SPATA24: variants seen among roughly 807,000 people sequenced by gnomAD.
SPATA24 encodes the protein spermatogenesis-associated protein 24.
SPATA24 carries 21 observed loss-of-function variants against 28.9 expected under a neutral mutation model. The ratio of observed to expected loss-of-function variants is 0.73; its 90% CI spans 0.52 to 1.05. The LOEUF is 1.05. Ranked by LOEUF, SPATA24 falls within the 50% of genes least tolerant of loss-of-function variation. SPATA24 has a pLI of 0.00. For synonymous variants in SPATA24, 76 were observed against 89.9 expected (o/e 0.85, Z 0.88); for missense variants, 215 against 242.9 (o/e 0.88, Z 0.76).
chr5:139,400,251 G>A (rs1484507317), intron 4 of SPATA24, among the ~76,000 whole-genome samples: 1 of 151,860 alleles, frequency 6.6e-6, no homozygotes, highest in Non-Finnish European at 1.5e-5. Context: ...TGGCCTACTG[G>A]AGATCTGCTG....
At chr5:139,392,528 G>C, downstream of SPATA24, 1 of 1,344,620 alleles carries the variant, frequency 7.4e-7, no homozygotes, top group Non-Finnish European at 9.5e-7. This position sits in a 1 kb window ranked among gnomAD's most constrained non-coding sequence, Gnocchi z 5.8. Context: ...GAGGCAGCGC[G>C]GGGCTGGGCT....
In SPATA24 at chr5:139,401,777, G is replaced by T. The variant is rs369759443; in HGVS notation, c.363C>A (p.Asp121Glu). The change falls in exon 4 of 6, where the codon GAC becomes GAA. Residue 121 changes from aspartate (D) to glutamate (E), a missense_variant. Transcript: ENST00000450845. ...TACCATTGCACTTGGTGATGAGCTG[G>T]TCCTTCTTGCTGGACTCCTGAAGGA... ...SKVLQESSKK[D>E]QLITKCNEIE... is the part of the protein sequence containing the mutation. 6.4e-7 allele frequency: 1 copy of T among 1,551,668 alleles called. No individual in the cohort carries two copies. The highest frequency in any genetic ancestry group is 2.4e-5 in the East Asian group (1 of 40,918).
downstream of SPATA24, chr5:139,394,930 T>A (rs759829680): frequency 2.0e-6 from 3 of 1,519,774 alleles, no homozygotes; most frequent in Non-Finnish European, 2.6e-6. Flanking sequence ...CGCTGGGCCT[T>A]TCGCGTCCGG....
intron 4 of SPATA24, among the ~76,000 whole-genome samples, chr5:139,398,577 TAATAAATA>T (rs567373104): frequency 6.6e-6 from 1 of 150,914 alleles, no homozygotes; most frequent in Admixed American, 6.6e-5. Flanking sequence ...TGTCTCTAAA[TAATAAATA>T]AATAAATAAA....
chr5:139,394,657 C>T, downstream of SPATA24: 1 of 1,535,084 alleles, frequency 6.5e-7, no homozygotes, highest in Non-Finnish European at 8.7e-7. Context: ...CGGCAAGGGG[C>T]TGATGAAGGC....
Position 139,396,776 on chromosome 5 carries a change from G to A in SPATA24, c.*24C>T, listed in dbSNP as rs1039223409. 6.4e-7 allele frequency: 1 copy of A among 1,551,692 alleles called. No individual in the cohort carries two copies. The highest frequency in any genetic ancestry group is 8.7e-7 in the Non-Finnish European group (1 of 1,146,978). The stretch of plus-strand genomic sequence containing the variant: ...AGGCAGAGGCTGGGGATTACAGCCA[G>A]AGAACAGGAAAGCGGCGGCCATTTT... On this transcript the variant is annotated 3_prime_UTR_variant, in exon 6 of 6. Coordinates refer to ENST00000450845, the MANE Select transcript of SPATA24 (RefSeq NM_194296.2).
intron 4 of SPATA24, among the ~76,000 whole-genome samples, chr5:139,400,389 C>T (rs1168455301): frequency 2.0e-5 from 3 of 151,102 alleles, no homozygotes; most frequent in Non-Finnish European, 4.4e-5. Context: ...TCACTGCAAC[C>T]TCTGCCTCCT....
downstream of SPATA24, chr5:139,395,026 G>A: frequency 4.2e-6 from 6 of 1,440,948 alleles, no homozygotes; most frequent in East Asian, 1.2e-4. Flanking sequence ...CGCGGGGGCC[G>A]TGGGCAGCTG....
downstream of SPATA24, chr5:139,394,141 G>A: frequency 2.6e-6 from 4 of 1,546,118 alleles, no homozygotes; most frequent in Non-Finnish European, 3.5e-6. Flanking sequence ...GCTGGGCCAC[G>A]GCCTCGGGGC....
intron 1 of SPATA24, 95 bp from the exon 2 acceptor site, chr5:139,402,788 C>T (rs1371691380): frequency 4.5e-6 from 4 of 896,280 alleles, no homozygotes; most frequent in Non-Finnish European, 7.2e-6. Context: ...GGATGATGCT[C>T]GTGGTACCTA....
downstream of SPATA24, chr5:139,395,145 T>TC: frequency 7.4e-7 from 1 of 1,348,910 alleles, no homozygotes; most frequent in African/African-American, 1.6e-5. Flanking sequence ...GCCGGCACTG[T>TC]CCCCGCCCCG....
intron 2 of SPATA24, among the ~76,000 whole-genome samples, 154 bp from the exon 3 acceptor site, chr5:139,402,199 C>T (rs1159887317): frequency 9.9e-5 from 15 of 151,496 alleles, no homozygotes; most frequent in African/African-American, 2.7e-4. Flanking sequence ...TCTCAGAGGC[C>T]GACCTTTCTT....
downstream of SPATA24, chr5:139,393,916 C>T (rs1050475875): frequency 1.3e-6 from 2 of 1,551,018 alleles, no homozygotes; most frequent in African/African-American, 1.4e-5. Context: ...GCTCCTTGGC[C>T]TCACAGCCCT....
chr5:139,397,561 T>C (rs1758738940), intron 4 of SPATA24, among the ~76,000 whole-genome samples: 1 of 152,014 alleles, frequency 6.6e-6, no homozygotes, highest in African/African-American at 2.4e-5. Flanking sequence ...CTCTTTTTTT[T>C]TTTTTTGTAT....
At chr5:139,393,927 A>C, downstream of SPATA24, 1 of 1,550,934 alleles carries the variant, frequency 6.4e-7, no homozygotes. Flanking sequence ...TCACAGCCCT[A>C]CTCGGAACCT....
downstream of SPATA24, chr5:139,392,867 G>A: frequency 1.9e-5 from 30 of 1,544,086 alleles, no homozygotes; most frequent in Non-Finnish European, 2.6e-5. This position sits in a 1 kb window ranked among gnomAD's most constrained non-coding sequence, Gnocchi z 5.8. Context: ...CCCAAGGCCA[G>A]GGCCCCAGGC....
downstream of SPATA24, chr5:139,392,672 G>A (rs1442513180): frequency 7.1e-7 from 1 of 1,400,928 alleles, no homozygotes; most frequent in South Asian, 1.6e-5. The surrounding 1 kb of genome is among the most constrained non-coding windows in gnomAD (Gnocchi z 5.8). Context: ...TGCATCTGAG[G>A]GGAGCCGGGG....
downstream of SPATA24, chr5:139,393,875 C>A (rs1042444814): frequency 3.2e-6 from 5 of 1,551,090 alleles, no homozygotes; most frequent in African/African-American, 5.5e-5. Flanking sequence ...CCCCGTACAG[C>A]CCCATTTGGA....
intron 4 of SPATA24, chr5:139,401,441 G>A (rs574468861): frequency 1.2e-5 from 7 of 607,538 alleles, no homozygotes; most frequent in Non-Finnish European, 2.1e-5. Context: ...TGTTCCTCTT[G>A]TATCAGTTAG....
Sources: gnomAD v4.1 joint callset for allele counts (sites outside exome capture counted in the v4.1 genomes callset) on GRCh38, gnomAD v4.1.1 for gene constraint, Gnocchi (gnomAD v3.1) non-coding constraint, MANE v1.5 for transcripts, NCBI Gene and HGNC (gene_info 2026-07-23, HGNC 2026-07-21) for gene names.